Variants in HDAC8 observed in about 807,000 individuals in gnomAD.
The protein encoded by HDAC8 is histone deacetylase-like 1.
In HDAC8, 1 loss-of-function variant was observed where a neutral mutation model predicts 32.2. The ratio of observed to expected loss-of-function variants is 0.03; its 90% confidence interval spans 0.01 to 0.15. The LOEUF (loss-of-function observed/expected upper bound fraction) is 0.15, where lower values mean the gene tolerates loss of function less well. Ranked by LOEUF, HDAC8 falls within the 10% of genes least tolerant of loss-of-function variation. The pLI is 1.00. For missense variants in HDAC8, 117 were observed against 300.0 expected (o/e 0.39, Z 4.51); for synonymous variants, 108 against 113.9 (o/e 0.95, Z 0.33).
rs782752785 is a variant in HDAC8 at position 72,351,755 on chromosome X, T to C, written c.1089A>G (p.Gln363=). 8.3e-7 allele frequency: 1 copy of C among 1,207,977 alleles called. No homozygotes were observed. Among genetic ancestry groups the C allele is most frequent in the African/African-American group, 1.7e-5 (1 of 57,314 alleles). Residue 363 remains glutamine, a synonymous_variant, in exon 10 of 11, where the codon CAA becomes CAG. Coordinates refer to ENST00000373573, the MANE Select transcript of HDAC8 (RefSeq NM_018486.3). ...RPDRNEPHRI[Q]QILNYIKGNL... is the part of the protein sequence containing the mutation. ...CACCTTTGATGTAGTTGAGGATTTGTTGGATTCGGTGGGGCTCATTGCGGT... is the reference window on the plus strand; with the variant it reads ...CACCTTTGATGTAGTTGAGGATTTGCTGGATTCGGTGGGGCTCATTGCGGT...
rs1374061579 is a variant in HDAC8, at chrX:72,427,633, T to C, written c.1005+34371A>G. ...GGGGGAGGGATAGCATTAGGAGATA[T>C]ACCTAATGCTAAATGACGAGTTAAT... is the stretch of plus-strand genomic sequence containing the variant. On this transcript the variant is annotated intron_variant, in intron 9 of 10. Transcript: ENST00000373573. 3.9e-5 allele frequency among the ~76,000 whole-genome samples: 4 copies of C among 103,709 alleles called. No homozygotes were observed. The Admixed American group carries it at 4.1e-4, about 11-fold the overall frequency. 90.1% of individuals were successfully genotyped at this position (103,709 alleles called of 115,157 possible). A position where few individuals can be genotyped will look rare whatever the true frequency, so the allele number is the denominator to read the frequency against.
chrX:72,569,286 T>C (rs2051920367), intron 2 of HDAC8, among the ~76,000 whole-genome samples: 1 of 112,262 alleles, frequency 8.9e-6, no homozygotes, highest in Non-Finnish European at 1.9e-5. Flanking sequence ...TATATCTTTA[T>C]TTTAATAGGC....
chrX:72,552,536 C>T (rs1159195262), intron 4 of HDAC8, among the ~76,000 whole-genome samples: 3 of 110,147 alleles, frequency 2.7e-5, no homozygotes, highest in Non-Finnish European at 5.7e-5. Flanking sequence ...ATCACTTGAA[C>T]CCAGGAAGTG....
chrX:72,480,742 T>C (rs993469652), intron 7 of HDAC8, among the ~76,000 whole-genome samples: 1 of 111,964 alleles, frequency 8.9e-6, no homozygotes, highest in South Asian at 3.7e-4. Context: ...AAAGAGTTCA[T>C]GTCCTTTGCA....
At position 72,434,827 on chromosome X, in the gene HDAC8, C is replaced by T. The variant is rs781871687; in HGVS notation, c.1005+27177G>A. On this transcript the variant is annotated intron_variant, in intron 9 of 10. Coordinates refer to ENST00000373573, the MANE Select transcript of HDAC8 (RefSeq NM_018486.3). ...TTTACTTAGACCAACACATTTAATA[C>T]TCACATTAATCTCCATTTTATGGGT... 4.0e-4 allele frequency among the ~76,000 whole-genome samples: 45 copies of T among 112,307 alleles called. 1 individual carries two copies. The highest frequency in any genetic ancestry group is 7.5e-5 in the Non-Finnish European group (4 of 53,290).
chrX:72,475,316 T>C (rs782009986), intron 7 of HDAC8, among the ~76,000 whole-genome samples: 1 of 112,462 alleles, frequency 8.9e-6, no homozygotes, highest in East Asian at 2.8e-4. Context: ...GAAAAGTTAT[T>C]GCCAGCAGCA....
intron 4 of HDAC8, among the ~76,000 whole-genome samples, chrX:72,564,272 C>T (rs2051698222): frequency 8.9e-6 from 1 of 112,307 alleles, no homozygotes; most frequent in East Asian, 2.8e-4. Context: ...ATTGTCTATT[C>T]GTGTTCTTTG....
intron 10 of HDAC8, among the ~76,000 whole-genome samples, chrX:72,350,996 T>C (rs1458698963): frequency 8.9e-6 from 1 of 112,433 alleles, no homozygotes; most frequent in Non-Finnish European, 1.9e-5. Context: ...TGACTACTCA[T>C]TGTAGTTCCA....
chrX:72,392,060 A>G (rs1342860415), intron 9 of HDAC8, among the ~76,000 whole-genome samples: 1 of 112,013 alleles, frequency 8.9e-6, no homozygotes, highest in Non-Finnish European at 1.9e-5. Flanking sequence ...ACTTCACAGA[A>G]ACTTAACAAG....
intron 10 of HDAC8, among the ~76,000 whole-genome samples, chrX:72,344,004 G>A (rs1435221288): frequency 2.0e-4 from 22 of 112,380 alleles, no homozygotes; most frequent in African/African-American, 6.1e-4. Flanking sequence ...GGCCAAATGC[G>A]GAGCAATAAA....
chrX:72,549,140 T>C (rs1406796198), intron 4 of HDAC8, among the ~76,000 whole-genome samples: 1 of 111,705 alleles, frequency 9.0e-6, no homozygotes, highest in African/African-American at 3.3e-5. Flanking sequence ...GTATCAGACA[T>C]TGCTATTCAA....
chrX:72,525,993 A>T (rs1223687497), intron 4 of HDAC8, among the ~76,000 whole-genome samples: 1 of 108,917 alleles, frequency 9.2e-6, no homozygotes, highest in African/African-American at 3.3e-5. Flanking sequence ...ACTACTTAAG[A>T]GGCTGTGGCA....
At chrX:72,485,348 A>G (rs2048635986) in intron 7 of HDAC8, among the ~76,000 whole-genome samples, 1 of 111,966 alleles carries the variant, frequency 8.9e-6, no homozygotes, top group African/African-American at 3.2e-5. Context: ...TCTGTCATTT[A>G]TATAAAATGG....
chrX:72,441,633 C>T (rs1301445407), intron 9 of HDAC8, among the ~76,000 whole-genome samples: 1 of 112,088 alleles, frequency 8.9e-6, no homozygotes, highest in Admixed American at 9.5e-5. Context: ...AGTGCCTCTC[C>T]TCCTCCAAAG....
intron 7 of HDAC8, among the ~76,000 whole-genome samples, chrX:72,479,094 T>A (rs1184320884): frequency 8.9e-6 from 1 of 111,915 alleles, no homozygotes. Context: ...TTTAACTAAA[T>A]CTCTGTATAG....
At chrX:72,406,996 G>T (rs1029529982) in intron 9 of HDAC8, among the ~76,000 whole-genome samples, 3 of 112,387 alleles carry the variant, frequency 2.7e-5, no homozygotes, top group Non-Finnish European at 5.6e-5. Context: ...CTTGAACAAA[G>T]TTCTGTCAAT....
chrX:72,407,205 C>G lies in HDAC8; in HGVS notation c.1005+54799G>C, dbSNP rs5958790. 5.0e-3 allele frequency among the ~76,000 whole-genome samples: 560 copies of G among 112,582 alleles called. 2 individuals carry two copies. The highest frequency in any genetic ancestry group is 0.018 in the African/African-American group (544 of 31,068). On this transcript the variant is annotated intron_variant, in intron 9 of 10. Coordinates refer to ENST00000373573, the MANE Select transcript of HDAC8 (RefSeq NM_018486.3). ...TACTTGGGCGAGCTCAATGTAATCA[C>G]AAGCGTTCTCATAATGAGACAGCCA...
At chrX:72,339,212 A>G (rs1359703610) in intron 10 of HDAC8, among the ~76,000 whole-genome samples, 3 of 111,558 alleles carry the variant, frequency 2.7e-5, no homozygotes, top group Admixed American at 9.5e-5. Flanking sequence ...TCATCCAGCT[A>G]TCCAGCTCCC....
At chrX:72,550,465 G>A (rs1245756598) in intron 4 of HDAC8, among the ~76,000 whole-genome samples, 1 of 110,687 alleles carries the variant, frequency 9.0e-6, no homozygotes, top group Non-Finnish European at 1.9e-5. Context: ...AATGTTCACA[G>A]TCATTCTACT....
Sources: allele counts gnomAD v4.1 joint callset (sites outside exome capture counted in the v4.1 genomes callset), GRCh38; gene constraint gnomAD v4.1.1; transcripts MANE v1.5; gene names NCBI Gene and HGNC (gene_info 2026-07-23, HGNC 2026-07-21).